RAI2: variants seen among roughly 807,000 people sequenced by gnomAD.
The protein encoded by RAI2 is retinoic acid-induced protein 2.
A neutral mutation model predicts 15.3 loss-of-function variants in RAI2; 5 were observed. The ratio of observed to expected loss-of-function variants is 0.33; its 90% CI spans 0.17 to 0.69. The LOEUF (loss-of-function observed/expected upper bound fraction) is 0.69, where lower values mean the gene tolerates loss of function less well. Among genes scored for constraint, RAI2 ranks in the 30% least tolerant of loss-of-function variants. The pLI, the probability that RAI2 is intolerant of heterozygous loss-of-function variation, is 0.69. For synonymous variants in RAI2, 191 were observed against 184.0 expected, an observed-to-expected ratio of 1.04 and a Z score of -0.31; for missense variants, 424 against 424.7, an observed-to-expected ratio of 1.00 and a Z score of 0.01.
At chrX:17,852,421 A>C (rs1349085738) in intron 1 of RAI2, among the ~76,000 whole-genome samples, 1 of 111,963 alleles carries the variant, frequency 8.9e-6, no homozygotes, top group Non-Finnish European at 1.9e-5. Flanking sequence ...GCCTATGTTG[A>C]CTTCTGCACT....
rs150658383 is a variant in RAI2, at chrX:17,807,732, G to A, written c.-24-5698C>T. 8.1e-3 allele frequency among the ~76,000 whole-genome samples: 902 copies of A among 111,975 alleles called. 2 individuals are homozygous for A. The highest frequency in any genetic ancestry group is 0.013 in the Non-Finnish European group (698 of 53,195). On this transcript the variant is annotated intron_variant, in intron 1 of 1. Transcript: ENST00000451717. Reference sequence around the variant, plus strand: ...AGGCTCTGATGGGTCAGTGTTAGATGCCCGCAACCAACAAATAGGTGGATT... The same window carrying A: ...AGGCTCTGATGGGTCAGTGTTAGATACCCGCAACCAACAAATAGGTGGATT...
intron 1 of RAI2, among the ~76,000 whole-genome samples, chrX:17,808,630 T>C (rs1371334490): frequency 9.1e-6 from 1 of 110,195 alleles, no homozygotes; most frequent in Non-Finnish European, 1.9e-5. Flanking sequence ...CTCCCTCCTC[T>C]TCCCCCCCGG....
intron 1 of RAI2, among the ~76,000 whole-genome samples, chrX:17,846,597 A>G (rs1213628116): frequency 9.0e-6 from 1 of 111,614 alleles, no homozygotes; most frequent in Admixed American, 9.4e-5. Context: ...CTGACCCATC[A>G]ATTTGTTTTC....
chrX:17,826,367 C>CT lies in RAI2; in HGVS notation c.-24-24334dup, dbSNP rs58507285. On this transcript the variant is annotated intron_variant, in intron 1 of 1. Transcript: ENST00000451717. Reference sequence around the variant, plus strand: ...AGCACCTATCACATTTGCAAGCTATCTTTTTTTTTCCTTTGTTTTCTGTTT... The same window carrying CT: ...AGCACCTATCACATTTGCAAGCTATCTTTTTTTTTTCCTTTGTTTTCTGTTT... Among the ~76,000 whole-genome samples the CT allele has an allele frequency of 2.3e-4, 25 of 110,235 alleles. 1 individual carries two copies. The highest frequency in any genetic ancestry group is 1.4e-3 in the Admixed American group (15 of 10,347).
At chrX:17,846,521 C>G (rs111253580) in intron 1 of RAI2, among the ~76,000 whole-genome samples, 3,391 of 112,265 alleles carry the variant, frequency 0.03, 63 homozygotes, top group Middle Eastern at 0.046. Context: ...ACTGAAGGTG[C>G]TCCTGGCTGT....
intron 1 of RAI2, among the ~76,000 whole-genome samples, chrX:17,818,590 T>A (rs897424189): frequency 3.6e-5 from 4 of 112,171 alleles, no homozygotes; most frequent in Non-Finnish European, 7.5e-5. Flanking sequence ...TTCATAATAC[T>A]CAATTTCAAG....
intron 1 of RAI2, among the ~76,000 whole-genome samples, chrX:17,848,618 C>G (rs1024636365): frequency 8.9e-6 from 1 of 111,848 alleles, no homozygotes; most frequent in African/African-American, 3.3e-5. Context: ...GCCACTCACA[C>G]CCCCTCACCT....
chrX:17,851,639 A>G (rs977842780), intron 1 of RAI2, among the ~76,000 whole-genome samples: 11 of 111,572 alleles, frequency 9.9e-5, no homozygotes, highest in African/African-American at 3.3e-4. Flanking sequence ...AATCTGAAAA[A>G]AAGTAACACT....
intron 1 of RAI2, among the ~76,000 whole-genome samples, chrX:17,807,203 C>G (rs1407548791): frequency 9.0e-6 from 1 of 111,515 alleles, no homozygotes; most frequent in African/African-American, 3.3e-5. Flanking sequence ...GGGTTCAGCT[C>G]TAAAGTTGCT....
intron 1 of RAI2, chrX:17,860,819 G>A (rs1413157945): frequency 9.4e-6 from 1 of 106,192 alleles, no homozygotes; most frequent in East Asian, 3.0e-4. Context: ...CTCCCCGGCA[G>A]TCCCCGGCCC....
chrX:17,839,115 A>T (rs996748642), intron 1 of RAI2, among the ~76,000 whole-genome samples: 1 of 111,970 alleles, frequency 8.9e-6, no homozygotes, highest in African/African-American at 3.2e-5. Flanking sequence ...CCTGCAAACA[A>T]AGACATCTGC....
At chrX:17,840,708 C>A (rs950535606) in intron 1 of RAI2, among the ~76,000 whole-genome samples, 4 of 112,058 alleles carry the variant, frequency 3.6e-5, no homozygotes, top group Admixed American at 1.9e-4. Context: ...CCATCTTTAA[C>A]TGTGGCTTTC....
chrX:17,833,193 C>A (rs1367360707), intron 1 of RAI2, among the ~76,000 whole-genome samples: 1 of 111,740 alleles, frequency 8.9e-6, no homozygotes, highest in East Asian at 2.8e-4. Flanking sequence ...GTAAAAGAAA[C>A]CAGACACAGA....
At chrX:17,829,618 T>G (rs1484372868) in intron 1 of RAI2, among the ~76,000 whole-genome samples, 1 of 112,695 alleles carries the variant, frequency 8.9e-6, no homozygotes, top group Non-Finnish European at 1.9e-5. Flanking sequence ...CCAAGATGTT[T>G]CGCAAGCATT....
Position 17,806,088 on chromosome X carries a change from C to T in RAI2, c.-24-4054G>A, listed in dbSNP as rs373922903. On this transcript the variant is annotated intron_variant, in intron 1 of 1. Transcript: ENST00000451717. ...CTGCAGGGGCTAATACTGGAAGCCTCGGCGATGCCCTAAGAATACAAAACT... is the reference window on the plus strand; with the variant it reads ...CTGCAGGGGCTAATACTGGAAGCCTTGGCGATGCCCTAAGAATACAAAACT... Among the ~76,000 whole-genome samples the T allele has an allele frequency of 2.2e-3, 251 of 111,674 alleles. 1 individual carries two copies. Among genetic ancestry groups the T allele is most frequent in the African/African-American group, 7.8e-3 (240 of 30,708 alleles).
At chrX:17,844,600 A>G (rs1909248847) in intron 1 of RAI2, among the ~76,000 whole-genome samples, 1 of 113,072 alleles carries the variant, frequency 8.8e-6, no homozygotes, top group African/African-American at 3.2e-5. Context: ...AGCCAGAGAA[A>G]GAAAACCATT....
At chrX:17,847,948 T>C (rs1372950217) in intron 1 of RAI2, among the ~76,000 whole-genome samples, 1 of 111,714 alleles carries the variant, frequency 9.0e-6, no homozygotes, top group Non-Finnish European at 1.9e-5. Context: ...GAGAGCTAAG[T>C]GGTAGGAAAA....
chrX:17,801,743 T>A lies in RAI2; in HGVS notation c.268A>T (p.Met90Leu). 8.3e-7 allele frequency: 1 copy of A among 1,211,706 alleles called. No individual in the cohort carries two copies. Residue 90 changes from methionine to leucine, a missense_variant, in exon 2 of 2, where the codon ATG becomes TTG. By Grantham distance (15) the Met-to-Leu change is conservative. Coordinates refer to ENST00000451717, the MANE Select transcript of RAI2 (RefSeq NM_021785.6). ...PLCLGESPVV[M>L]PIHMQVEGSS... The stretch of plus-strand genomic sequence containing the variant: ...CCCTCCACCTGCATGTGAATGGGCA[T>A]CACCACTGGGCTCTCCCCGAGGCAC...
chrX:17,855,492 G>C (rs769918329), intron 1 of RAI2, among the ~76,000 whole-genome samples: 52 of 112,092 alleles, frequency 4.6e-4, no homozygotes, highest in Non-Finnish European at 7.1e-4. Context: ...ATTCCTCATA[G>C]AGCATGAGAC....
Sources: gnomAD v4.1 joint callset for allele counts (sites outside exome capture counted in the v4.1 genomes callset) on GRCh38, gnomAD v4.1.1 for gene constraint, MANE v1.5 for transcripts, NCBI Gene and HGNC (gene_info 2026-07-23, HGNC 2026-07-21) for gene names.